Variants in MYT1L observed in about 807,000 individuals in gnomAD.
The protein encoded by MYT1L is myelin transcription factor 1 like, also known as myelin transcription factor 1-like protein.
In MYT1L, 12 loss-of-function variants were observed where a neutral mutation model predicts 126.7. That is an observed-to-expected ratio of 0.09 (90% CI 0.06 to 0.15). The LOEUF (loss-of-function observed/expected upper bound fraction) is 0.15. Among genes scored for constraint, MYT1L ranks in the 10% least tolerant of loss-of-function variants. The probability of loss-of-function intolerance (pLI) is 1.00; values close to 1 mark genes in which losing one functional copy is unlikely to be tolerated. For synonymous variants in MYT1L, 541 were observed against 604.2 expected (o/e 0.90, Z 1.53); for missense variants, 979 against 1,585.2 (o/e 0.62, Z 6.49).
intron 9 of MYT1L, among the ~76,000 whole-genome samples, chr2:1,924,021 G>A (rs2053906759): frequency 6.6e-6 from 1 of 152,202 alleles, no homozygotes; most frequent in African/African-American, 2.4e-5. Context: ...ATAAAAGGCG[G>A]GGTTGAGGTA....
In MYT1L at chr2:1,931,794, CTGCTGTCTTT is replaced by C. The variant is rs147129495; in HGVS notation, c.506-8541_506-8532del. ...TTGTTTCCCTGTGCCTTTGCATCGG[CTGCTGTCTTT>C]TGCTTTCTGTCTCTGTAAATCAATC... On this transcript the variant is annotated intron_variant, in intron 9 of 24. Coordinates refer to ENST00000647738, the MANE Select transcript of MYT1L (RefSeq NM_001303052.2). Among the ~76,000 whole-genome samples, 269 of 152,274 alleles carry C rather than the reference CTGCTGTCTTT, an allele frequency of 1.8e-3. 1 individual carries two copies. The highest frequency in any genetic ancestry group is 6.3e-3 in the African/African-American group (262 of 41,544).
intron 18 of MYT1L, among the ~76,000 whole-genome samples, chr2:1,866,048 C>T (rs967351579): frequency 6.6e-6 from 1 of 152,158 alleles, no homozygotes; most frequent in Non-Finnish European, 1.5e-5. Flanking sequence ...TGTGACAGTG[C>T]TGCAGCAGGG....
chr2:2,001,071 CT>C (rs1182125198), intron 4 of MYT1L, among the ~76,000 whole-genome samples: 2 of 152,084 alleles, frequency 1.3e-5, no homozygotes, highest in Non-Finnish European at 2.9e-5. Flanking sequence ...ATTCTTAATG[CT>C]TGACATTCGT....
intron 3 of MYT1L, among the ~76,000 whole-genome samples, chr2:2,152,951 C>G (rs2086056086): frequency 6.6e-6 from 1 of 152,114 alleles, no homozygotes; most frequent in Non-Finnish European, 1.5e-5. Flanking sequence ...GGAATAGATA[C>G]TCCTGTGAGC....
intron 4 of MYT1L, among the ~76,000 whole-genome samples, chr2:2,046,164 A>G (rs1350882787): frequency 6.6e-6 from 1 of 152,182 alleles, no homozygotes; most frequent in African/African-American, 2.4e-5. Context: ...CCAGGCACCT[A>G]ATTCCTTCCC....
intron 9 of MYT1L, among the ~76,000 whole-genome samples, chr2:1,940,323 T>C (rs568356619): frequency 1.3e-5 from 2 of 149,900 alleles, no homozygotes; most frequent in South Asian, 2.2e-4. Flanking sequence ...GTAAACTGGG[T>C]GCACCTGTCT....
At chr2:2,076,213 A>G (rs569420641) in intron 3 of MYT1L, among the ~76,000 whole-genome samples, 1 of 152,326 alleles carries the variant, frequency 6.6e-6, no homozygotes, top group South Asian at 2.1e-4. Context: ...AAACTCTCTC[A>G]CACTCTTGGG....
chr2:2,133,088 G>A (rs1026551330), intron 3 of MYT1L, among the ~76,000 whole-genome samples: 3 of 152,110 alleles, frequency 2.0e-5, no homozygotes, highest in Non-Finnish European at 4.4e-5. Flanking sequence ...TGGGGGGGAC[G>A]AAGACACACG....
At chr2:1,815,161 A>C (rs554495560) in intron 21 of MYT1L, among the ~76,000 whole-genome samples, 2 of 152,286 alleles carry the variant, frequency 1.3e-5, no homozygotes, top group South Asian at 4.1e-4. Context: ...CGTCCTGTGG[A>C]ATCAGCTCAG....
intron 2 of MYT1L, among the ~76,000 whole-genome samples, chr2:2,272,461 T>TA (rs1425751795): frequency 6.6e-6 from 1 of 152,070 alleles, no homozygotes; most frequent in Non-Finnish European, 1.5e-5. Context: ...TTTCTTTGCT[T>TA]AAAAAAAGTA....
In MYT1L at chr2:1,889,435, T is replaced by G. The variant is rs771160211; in HGVS notation, c.2326A>C (p.Ser776Arg). ...EVDENGTLDLSMNKQRPRDSC... is the reference protein window; with the variant it reads ...EVDENGTLDLRMNKQRPRDSC... Reference sequence around the variant, plus strand: ...TCCCGCGGCCTCTGCTTGTTCATGCTGAGGTCCAGGGTCCCGTTCTCATCC... The same window carrying G: ...TCCCGCGGCCTCTGCTTGTTCATGCGGAGGTCCAGGGTCCCGTTCTCATCC... Residue 776 changes from serine (S) to arginine (R), a missense_variant, in exon 16 of 25, where the codon AGC becomes CGC. Physicochemically the swap from Ser to Arg is moderately radical, Grantham distance 110 (BLOSUM62 -1). Coordinates refer to ENST00000647738, the MANE Select transcript of MYT1L (RefSeq NM_001303052.2). The surrounding 1 kb of genome is among the most constrained non-coding windows in gnomAD (Gnocchi z 4.1). 3 of 1,613,072 alleles carry G rather than the reference T, an allele frequency of 1.9e-6. No homozygotes were observed. The highest frequency in any genetic ancestry group is 2.5e-6 in the Non-Finnish European group (3 of 1,179,366).
intron 3 of MYT1L, among the ~76,000 whole-genome samples, chr2:2,123,201 A>G (rs1014172907): frequency 6.6e-6 from 1 of 152,152 alleles, no homozygotes. Flanking sequence ...CCTAGGATTT[A>G]AAGAATTTGA....
intron 2 of MYT1L, among the ~76,000 whole-genome samples, chr2:2,261,632 G>C (rs59274193): frequency 2.0e-5 from 3 of 152,150 alleles, no homozygotes; most frequent in Non-Finnish European, 4.4e-5. Context: ...TATGTTAGAA[G>C]TCAAAAAGAA....
At chr2:2,004,084 T>C (rs1260404305) in intron 4 of MYT1L, among the ~76,000 whole-genome samples, 1 of 150,984 alleles carries the variant, frequency 6.6e-6, no homozygotes, top group Non-Finnish European at 1.5e-5. Context: ...CCTGCATATG[T>C]TCTTTCCTGC....
At chr2:1,884,938 ACAG>A (rs1368593048) in intron 18 of MYT1L, among the ~76,000 whole-genome samples, 1 of 152,226 alleles carries the variant, frequency 6.6e-6, no homozygotes, top group Non-Finnish European at 1.5e-5. Context: ...TGCTGGAGAA[ACAG>A]CAAGTTGGCT....
chr2:2,253,084 T>A (rs1317209809), intron 2 of MYT1L, among the ~76,000 whole-genome samples: 1 of 151,110 alleles, frequency 6.6e-6, no homozygotes, highest in Non-Finnish European at 1.5e-5. Flanking sequence ...GAAGAACATA[T>A]AAAAATAATG....
chr2:2,153,505 G>C (rs1373500806), intron 3 of MYT1L, among the ~76,000 whole-genome samples: 2 of 152,192 alleles, frequency 1.3e-5, no homozygotes, highest in Admixed American at 1.3e-4. Context: ...GGGCTCATGT[G>C]GGGGCGCAGG....
chr2:1,791,653 C>T lies in MYT1L; in HGVS notation c.*214G>A, dbSNP rs1240277950. On this transcript the variant is annotated 3_prime_UTR_variant, in exon 25 of 25. Transcript: ENST00000647738. The surrounding 1 kb of genome is among the most constrained non-coding windows in gnomAD (Gnocchi z 6.0). ...ATTACATGGCAGAACACTATGTCAGCTTACATGGAAACGTACAAAATGTGG... is the reference window on the plus strand; with the variant it reads ...ATTACATGGCAGAACACTATGTCAGTTTACATGGAAACGTACAAAATGTGG... 5 of 514,490 alleles carry T rather than the reference C, an allele frequency of 9.7e-6. No individual in the cohort carries two copies. In the African/African-American group the frequency reaches 9.7e-5, roughly 10 times the overall value. The allele number at this position is 514,490 out of a possible 1,614,324, so 31.9% of individuals were successfully genotyped here.
In MYT1L at chr2:2,059,897, T is replaced by G. The variant is rs2150143151; in HGVS notation, c.-303-5774A>C. The stretch of plus-strand genomic sequence containing the variant: ...TTTTCTCTTGACTCTGTCAGAGAAT[T>G]TAGCATACCATGCTGTAACTGTAGA... On this transcript the variant is annotated intron_variant, in intron 3 of 24. Coordinates refer to ENST00000647738, the MANE Select transcript of MYT1L (RefSeq NM_001303052.2). This position sits in a 1 kb window ranked among gnomAD's most constrained non-coding sequence, Gnocchi z 4.7. Among the ~76,000 whole-genome samples the G allele has an allele frequency of 6.6e-6, 1 of 152,290 alleles. No homozygotes were observed. The highest frequency in any genetic ancestry group is 2.1e-4 in the South Asian group (1 of 4,812).
Sources: gnomAD v4.1 joint callset for allele counts (sites outside exome capture counted in the v4.1 genomes callset) on GRCh38, gnomAD v4.1.1 for gene constraint, Gnocchi (gnomAD v3.1) non-coding constraint, MANE v1.5 for transcripts, NCBI Gene and HGNC (gene_info 2026-07-23, HGNC 2026-07-21) for gene names.